Variants in SHISA6 observed in about 807,000 individuals in gnomAD.
SHISA6 encodes the protein protein shisa-6.
In SHISA6, 22 loss-of-function variants were observed where a neutral mutation model predicts 47.9. The observed-to-expected ratio is 0.46, with a 90% CI of 0.33 to 0.66. The LOEUF (loss-of-function observed/expected upper bound fraction) is 0.66, where lower values mean the gene tolerates loss of function less well. Among genes scored for constraint, SHISA6 ranks in the 30% least tolerant of loss-of-function variants. SHISA6 has a pLI of 0.02. For missense variants in SHISA6, 680 were observed against 764.6 expected (o/e 0.89, Z 1.30); for synonymous variants, 388 against 337.8 (o/e 1.15, Z -1.63).
At chr17:11,256,467 G>A (rs1302013828) in intron 1 of SHISA6, among the ~76,000 whole-genome samples, 3 of 152,162 alleles carry the variant, frequency 2.0e-5, no homozygotes, top group African/African-American at 7.2e-5. Flanking sequence ...CTGCACTCCA[G>A]TCTGGGTAAC....
intron 2 of SHISA6, among the ~76,000 whole-genome samples, chr17:11,275,078 A>G (rs756855662): frequency 2.6e-5 from 4 of 152,048 alleles, no homozygotes; most frequent in African/African-American, 4.8e-5. Flanking sequence ...GTGATTAAAG[A>G]TTTGGGACAA....
intron 3 of SHISA6, among the ~76,000 whole-genome samples, chr17:11,542,594 C>G (rs1247068360): frequency 1.3e-5 from 2 of 152,030 alleles, no homozygotes; most frequent in Admixed American, 6.6e-5. Flanking sequence ...ATTCAGTATT[C>G]AAGACATCTT....
chr17:11,400,361 C>T (rs890312662), intron 3 of SHISA6, among the ~76,000 whole-genome samples: 6 of 152,124 alleles, frequency 3.9e-5, no homozygotes, highest in Non-Finnish European at 8.8e-5. Context: ...AAGTCATTAA[C>T]ATTGTTTTTC....
At chr17:11,345,013 A>G (rs137965583) in intron 2 of SHISA6, among the ~76,000 whole-genome samples, 1 of 152,112 alleles carries the variant, frequency 6.6e-6, no homozygotes, top group Non-Finnish European at 1.5e-5. Flanking sequence ...GCTCCCACAT[A>G]TGAGTGAGAA....
intron 3 of SHISA6, among the ~76,000 whole-genome samples, chr17:11,466,960 A>G (rs966203578): frequency 6.6e-6 from 1 of 152,100 alleles, no homozygotes; most frequent in Non-Finnish European, 1.5e-5. Flanking sequence ...GCATGTCTCA[A>G]GTGTCATTAA....
At chr17:11,505,796 T>C (rs1274374530) in intron 3 of SHISA6, among the ~76,000 whole-genome samples, 2 of 152,246 alleles carry the variant, frequency 1.3e-5, no homozygotes, top group East Asian at 3.8e-4. Context: ...ACCTATGTGC[T>C]TTGTGCTATG....
At chr17:11,440,495 G>C (rs1915066476) in intron 3 of SHISA6, among the ~76,000 whole-genome samples, 1 of 151,784 alleles carries the variant, frequency 6.6e-6, no homozygotes, top group Admixed American at 6.6e-5. Context: ...GTATGGGACA[G>C]AGAATGGGGA....
intron 2 of SHISA6, among the ~76,000 whole-genome samples, chr17:11,297,730 G>A (rs1439789812): frequency 6.6e-6 from 1 of 152,194 alleles, no homozygotes; most frequent in Non-Finnish European, 1.5e-5. Context: ...AGGGGAAGCT[G>A]CTAGGACCCT....
chr17:11,491,322 C>T (rs192490079), intron 3 of SHISA6, among the ~76,000 whole-genome samples: 285 of 152,286 alleles, frequency 1.9e-3, no homozygotes, highest in Middle Eastern at 0.01. Context: ...CAAGGTTTCT[C>T]TCTGTTACCT....
At chr17:11,250,421 A>G (rs1316703638) in intron 1 of SHISA6, among the ~76,000 whole-genome samples, 1 of 152,170 alleles carries the variant, frequency 6.6e-6, no homozygotes, top group Non-Finnish European at 1.5e-5. Context: ...CCTAATGTGC[A>G]TTTATCACCA....
chr17:11,277,280 T>TCTCTCTCTCTCTCTCTCTCACA (rs1386997909), intron 2 of SHISA6, among the ~76,000 whole-genome samples: 8 of 53,920 alleles, frequency 1.5e-4, no homozygotes, highest in Non-Finnish European at 2.0e-4. Flanking sequence ...TCTCTCTCTC[T>TCTCTCTCTCTCTCTCTCTCACA]CACACACACA....
chr17:11,425,690 C>G (rs1224184386), intron 3 of SHISA6, among the ~76,000 whole-genome samples: 2 of 152,130 alleles, frequency 1.3e-5, no homozygotes, highest in African/African-American at 4.8e-5. Context: ...AAAATACTAT[C>G]AAGAACCTCA....
intron 3 of SHISA6, among the ~76,000 whole-genome samples, chr17:11,550,823 G>C (rs993975652): frequency 7.9e-5 from 12 of 152,184 alleles, no homozygotes; most frequent in African/African-American, 2.2e-4. Flanking sequence ...GTAAACCTTG[G>C]AGTAGAGCTG....
intron 1 of SHISA6, among the ~76,000 whole-genome samples, chr17:11,244,809 G>A (rs1467836615): frequency 2.0e-5 from 3 of 152,164 alleles, no homozygotes; most frequent in Non-Finnish European, 2.9e-5. Flanking sequence ...AAGACAAACC[G>A]GTTTCAGTGT....
chr17:11,512,345 T>C (rs549038114), intron 3 of SHISA6, among the ~76,000 whole-genome samples: 10 of 152,328 alleles, frequency 6.6e-5, no homozygotes, highest in African/African-American at 2.4e-4. Context: ...AGGACACTTA[T>C]AGACAAGTAC....
chr17:11,242,137 C>T, intron 1 of SHISA6, 77 bp downstream of exon 1: 2 of 1,526,950 alleles, frequency 1.3e-6, no homozygotes, highest in Non-Finnish European at 1.8e-6. Context: ...GTCCTCTTCA[C>T]TCTCGGCATC....
At chr17:11,457,859 G>A (rs900559913) in intron 3 of SHISA6, among the ~76,000 whole-genome samples, 2 of 152,130 alleles carry the variant, frequency 1.3e-5, no homozygotes, top group African/African-American at 4.8e-5. Context: ...GCTGAGGCAG[G>A]TGGATCACGA....
intron 3 of SHISA6, among the ~76,000 whole-genome samples, chr17:11,544,696 C>T (rs1490574749): frequency 6.6e-6 from 1 of 152,138 alleles, no homozygotes; most frequent in Non-Finnish European, 1.5e-5. Context: ...TGCGGTGGCT[C>T]ACACCTGTAA....
chr17:11,452,177 G>C (rs1205702108), intron 3 of SHISA6, among the ~76,000 whole-genome samples: 1 of 152,230 alleles, frequency 6.6e-6, no homozygotes, highest in African/African-American at 2.4e-5. Context: ...TTGCAAGAGA[G>C]AAAGCAATTA....
Sources: allele counts gnomAD v4.1 joint callset (sites outside exome capture counted in the v4.1 genomes callset), GRCh38; gene constraint gnomAD v4.1.1; transcripts MANE v1.5; gene names NCBI Gene and HGNC (gene_info 2026-07-23, HGNC 2026-07-21).